The following ZNF354A variants were observed in gnomAD, a reference collection of about 807,000 sequenced individuals.
The protein encoded by ZNF354A is zinc finger protein 354A.
A neutral mutation model predicts 53.3 loss-of-function variants in ZNF354A; 25 were observed. The observed-to-expected ratio is 0.47, with a 90% CI of 0.34 to 0.66. ZNF354A has a LOEUF of 0.66. Among genes scored for constraint, ZNF354A ranks in the 30% least tolerant of loss-of-function variants. The pLI, the probability that ZNF354A is intolerant of heterozygous loss-of-function variation, is 0.01. For missense variants in ZNF354A, 586 were observed against 716.8 expected, an observed-to-expected ratio of 0.82 and a Z score of 2.08; for synonymous variants, 228 against 249.0, an observed-to-expected ratio of 0.92 and a Z score of 0.79.
chr5:178,712,601 T>C lies in ZNF354A; in HGVS notation c.1277A>G (p.Asn426Ser). 2 of 1,614,194 alleles carry C rather than the reference T, an allele frequency of 1.2e-6. No homozygotes were observed. The highest frequency in any genetic ancestry group is 1.3e-5 in the African/African-American group (1 of 75,056). ...TCCAGTATGAATGATTCGGTGTCTA[T>C]TAAGTCGTGAAATAGAAGTAAAGCC... is the stretch of plus-strand genomic sequence containing the variant. ...GKGFTSISRLNRHRIIHTGEK... is the reference protein window; with the variant it reads ...GKGFTSISRLSRHRIIHTGEK... The change falls in exon 5 of 5, where the codon AAT (asparagine) becomes AGT (serine). Residue 426 changes from asparagine (N) to serine (S), a missense_variant. Physicochemically the swap from Asn to Ser is conservative, Grantham distance 46. Coordinates refer to ENST00000335815, the MANE Select transcript of ZNF354A (RefSeq NM_005649.3).
intron 4 of ZNF354A, among the ~76,000 whole-genome samples, chr5:178,723,904 G>A (rs1765857295): frequency 6.6e-6 from 1 of 151,190 alleles, no homozygotes; most frequent in African/African-American, 2.4e-5. Context: ...TAAGCACCTC[G>A]CAAATGCTGT....
chr5:178,712,758 T>C lies in ZNF354A; in HGVS notation c.1120A>G (p.Arg374Gly), dbSNP rs980851299. Residue 374 changes from arginine (R) to glycine (G), a missense_variant, in exon 5 of 5, where the codon AGA becomes GGA. Physicochemically the swap from Arg to Gly is moderately radical, Grantham distance 125. Coordinates refer to ENST00000335815, the MANE Select transcript of ZNF354A (RefSeq NM_005649.3). ...KSSSSLRYHQ[R>G]IHTGEKPFKC... is the part of the protein sequence containing the mutation. ...AAAGGCTTCTCTCCAGTGTGAATTCTCTGATGATAACGAAGGGATGAGCTA... is the reference window on the plus strand; with the variant it reads ...AAAGGCTTCTCTCCAGTGTGAATTCCCTGATGATAACGAAGGGATGAGCTA... 6.2e-7 allele frequency: 1 copy of C among 1,614,038 alleles called. No individual in the cohort carries two copies. The highest frequency in any genetic ancestry group is 8.5e-7 in the Non-Finnish European group (1 of 1,180,012).
intron 1 of ZNF354A, among the ~76,000 whole-genome samples, chr5:178,729,747 G>A (rs1378798632): frequency 6.6e-6 from 1 of 151,120 alleles, no homozygotes; most frequent in Non-Finnish European, 1.5e-5. Context: ...AGGTTTCACC[G>A]TGTTGCCCAG....
At chr5:178,722,959 C>T (rs1478195501) in intron 4 of ZNF354A, among the ~76,000 whole-genome samples, 1 of 152,156 alleles carries the variant, frequency 6.6e-6, no homozygotes, top group Non-Finnish European at 1.5e-5. Flanking sequence ...GAAGAACAGT[C>T]CCAGACAGAA....
chr5:178,724,016 C>T lies in ZNF354A; in HGVS notation c.256+1360G>A, dbSNP rs1477621527. On this transcript the variant is annotated intron_variant, in intron 4 of 4. Transcript: ENST00000335815. ...CTCCCTGACCTCCCTTGAGTCTCGG[C>T]CCTGTCACTTACACACCTGCCCACC... 9.2e-5 allele frequency among the ~76,000 whole-genome samples: 14 copies of T among 152,136 alleles called. No individual in the cohort carries two copies. The East Asian group carries it at 2.5e-3, about 27-fold the overall frequency.
rs772943448 is a variant in ZNF354A at position 178,713,027 on chromosome 5, G to A, written c.851C>T (p.Ser284Phe). Reference sequence around the variant, plus strand: ...ATGGGTTCTTAGATGTTTATAAAGGGATGTACTGAGAGTAAAGGCTTTCCC... The same window carrying A: ...ATGGGTTCTTAGATGTTTATAAAGGAATGTACTGAGAGTAAAGGCTTTCCC... ...ECGKAFTLST[S>F]LYKHLRTHTV... Residue 284 changes from serine to phenylalanine, a missense_variant, in exon 5 of 5, where the codon TCC becomes TTC. By Grantham distance (155) the Ser-to-Phe change is radical. This residue lies in a region of ZNF354A where 573 missense variants were observed against 680.1 expected (regional missense o/e 0.84). Transcript: ENST00000335815. 2 of 1,613,934 alleles carry A rather than the reference G, an allele frequency of 1.2e-6. No homozygotes were observed. The highest frequency in any genetic ancestry group is 2.7e-5 in the African/African-American group (2 of 74,898).
chr5:178,728,317 A>G (rs1765951670), intron 2 of ZNF354A, among the ~76,000 whole-genome samples: 1 of 152,234 alleles, frequency 6.6e-6, no homozygotes, highest in African/African-American at 2.4e-5. Flanking sequence ...ATGGATAGCG[A>G]TGATGGCTGC....
chr5:178,724,467 C>T (rs558849099), intron 4 of ZNF354A, among the ~76,000 whole-genome samples: 7 of 152,062 alleles, frequency 4.6e-5, no homozygotes, highest in Non-Finnish European at 1.0e-4. Flanking sequence ...TCAGGTGATC[C>T]GCCCGCCTCG....
chr5:178,725,237 A>G (rs1765882386), intron 4 of ZNF354A, 139 bp downstream of exon 4: 3 of 823,598 alleles, frequency 3.6e-6, no homozygotes, highest in Non-Finnish European at 6.2e-6. Context: ...AATCCTGCCT[A>G]AGAGCCTGGG....
intron 4 of ZNF354A, among the ~76,000 whole-genome samples, chr5:178,725,089 C>A (rs1443317660): frequency 6.6e-6 from 1 of 152,222 alleles, no homozygotes; most frequent in Non-Finnish European, 1.5e-5. Flanking sequence ...CCAAATACAC[C>A]CTGAGCTTCA....
At chr5:178,713,745 A>C in intron 4 of ZNF354A, 124 bp from the exon 5 acceptor site, 1 of 1,218,422 alleles carries the variant, frequency 8.2e-7, no homozygotes. Flanking sequence ...TCTGTATGAA[A>C]AAAATTGCAA....
At chr5:178,722,768 G>C (rs893279167) in intron 4 of ZNF354A, among the ~76,000 whole-genome samples, 7 of 152,242 alleles carry the variant, frequency 4.6e-5, no homozygotes, top group Non-Finnish European at 8.8e-5. Context: ...TGCAGAGGCA[G>C]AGACAGATCA....
At chr5:178,719,746 G>C (rs1765775048) in intron 4 of ZNF354A, among the ~76,000 whole-genome samples, 1 of 152,082 alleles carries the variant, frequency 6.6e-6, no homozygotes, top group Non-Finnish European at 1.5e-5. Context: ...AGGAGATCGA[G>C]ACCATCCCGG....
intron 1 of ZNF354A, among the ~76,000 whole-genome samples, chr5:178,730,055 C>CG (rs1381610186): frequency 1.3e-5 from 2 of 151,898 alleles, no homozygotes; most frequent in Non-Finnish European, 2.9e-5. Flanking sequence ...TTAGTAGAGA[C>CG]GGGGTTTCAC....
rs1305000477 is a variant in ZNF354A at position 178,727,191 on chromosome 5, G to A, written c.34-66C>T. ...CACAGAGCAGAGGGGGCGGCAGTGG[G>A]AAAGACACGCTACCCGTGAAACACT... On this transcript the variant is annotated intron_variant, in intron 2 of 4. Transcript: ENST00000335815. The A allele has an allele frequency of 2.7e-6, 4 of 1,482,830 alleles. No individual in the cohort carries two copies. In the Admixed American group the frequency reaches 8.7e-5, roughly 32 times the overall value. 91.9% of individuals were successfully genotyped at this position (1,482,830 alleles called of 1,614,324 possible). A position where few individuals can be genotyped will look rare whatever the true frequency, so the allele number is the denominator to read the frequency against.
rs1765624879 is a variant in ZNF354A, at chr5:178,711,914, C to T, written c.*146G>A. On this transcript the variant is annotated 3_prime_UTR_variant, in exon 5 of 5. Coordinates refer to ENST00000335815, the MANE Select transcript of ZNF354A (RefSeq NM_005649.3). ...CACTTTCCTCATATCTATTATATAG[C>T]TGAGGTTTATCCATGGAATTAAATA... The T allele has an allele frequency of 5.3e-6, 5 of 938,416 alleles. No individual in the cohort carries two copies. Among genetic ancestry groups the T allele is most frequent in the Non-Finnish European group, 7.6e-6 (5 of 656,528 alleles). 58.1% of individuals were successfully genotyped at this position (938,416 alleles called of 1,614,324 possible).
At position 178,712,060 on chromosome 5, in the gene ZNF354A, C is replaced by T. The variant is rs1169948774; in HGVS notation, c.1818G>A (p.Ter606=). ...HYKIHIEEDP[*] ...GCTTTCACACATACAAATCTACTTT[C>T]TAGGGGTCCTCTTCGATATGAATTT... Residue 606 remains the stop codon, a stop_retained_variant, in exon 5 of 5, where the codon TAG becomes TAA. Transcript: ENST00000335815. 3.9e-5 allele frequency: 61 copies of T among 1,583,110 alleles called. No individual in the cohort carries two copies. The highest frequency in any genetic ancestry group is 5.1e-5 in the Non-Finnish European group (59 of 1,164,940).
At chr5:178,729,932 C>T (rs1009184814) in intron 1 of ZNF354A, among the ~76,000 whole-genome samples, 1 of 149,098 alleles carries the variant, frequency 6.7e-6, no homozygotes, top group African/African-American at 2.4e-5. Flanking sequence ...GGCTTGATCT[C>T]GGCTCACTGC....
rs771579994 is a variant in ZNF354A at position 178,712,645 on chromosome 5, T to C, written c.1233A>G (p.Arg411=). The change falls in exon 5 of 5, where the codon AGA becomes AGG. Residue 411 remains arginine, a synonymous_variant. Coordinates refer to ENST00000335815, the MANE Select transcript of ZNF354A (RefSeq NM_005649.3). ...ERIHTGEKPY[R]CNECGKGFTS... is the part of the protein sequence containing the mutation. ...TAAAGCCTTTCCCACATTCATTGCA[T>C]CTATAGGGCTTTTCTCCGGTGTGAA... 4 of 1,614,152 alleles carry C rather than the reference T, an allele frequency of 2.5e-6. No individual in the cohort carries two copies. The highest frequency in any genetic ancestry group is 3.4e-6 in the Non-Finnish European group (4 of 1,180,004).
Sources: gnomAD v4.1 joint callset for allele counts (sites outside exome capture counted in the v4.1 genomes callset) on GRCh38, gnomAD v4.1.1 for gene constraint, gnomAD v4.1.1 regional missense constraint, MANE v1.5 for transcripts, NCBI Gene and HGNC (gene_info 2026-07-23, HGNC 2026-07-21) for gene names.